The following ARID1A variants were observed in gnomAD, a reference collection of about 807,000 sequenced individuals.
The protein encoded by ARID1A is AT-rich interactive domain-containing protein 1A.
In ARID1A, 20 loss-of-function variants were observed where a neutral mutation model predicts 212.6. The observed-to-expected ratio is 0.09, with a 90% confidence interval of 0.07 to 0.14. ARID1A has a LOEUF of 0.14. Among genes scored for constraint, ARID1A ranks in the 10% least tolerant of loss-of-function variants. The pLI is 1.00. For synonymous variants in ARID1A, 1,376 were observed against 1,222.1 expected (o/e 1.13, Z -2.63); for missense variants, 2,587 against 3,059.0 (o/e 0.85, Z 3.64).
chr1:26,755,522 G>A (rs1368886158), intron 4 of ARID1A, among the ~76,000 whole-genome samples: 1 of 152,180 alleles, frequency 6.6e-6, no homozygotes, highest in Non-Finnish European at 1.5e-5. Context: ...CCTGAAGAAG[G>A]GGAAGCCACC....
intron 11 of ARID1A, 22 bp downstream of exon 11, chr1:26,768,021 G>A (rs1557612186): frequency 6.2e-7 from 1 of 1,610,722 alleles, no homozygotes; most frequent in Non-Finnish European, 8.5e-7. Context: ...CCTGACACTT[G>A]ACTGCCCCTG....
rs2080691875 is a variant in ARID1A, at chr1:26,732,689, A to T, written c.1817A>T (p.Asp606Val). 1 of 1,613,578 alleles carries T rather than the reference A, an allele frequency of 6.2e-7. No homozygotes were observed. Among genetic ancestry groups the T allele is most frequent in the South Asian group, 1.1e-5 (1 of 91,050 alleles). ...RFPPPQELSQ[D>V]SFGSQASSAP... ...TTCTTGTTGTAGGAGCTATCTCAAG[A>T]TTCATTTGGGTCTCAGGCATCCTCA... is the stretch of plus-strand genomic sequence containing the variant. Residue 606 changes from aspartate (D) to valine (V), a missense_variant, in exon 4 of 20, where the codon GAT becomes GTT. This residue lies in a region of ARID1A where 674 missense variants were observed against 813.4 expected (regional missense o/e 0.83). Coordinates refer to ENST00000324856, the MANE Select transcript of ARID1A (RefSeq NM_006015.6).
At chr1:26,740,843 A>T (rs985295606) in intron 4 of ARID1A, among the ~76,000 whole-genome samples, 3 of 152,234 alleles carry the variant, frequency 2.0e-5, no homozygotes, top group African/African-American at 7.2e-5. Flanking sequence ...CATGTGGAAC[A>T]TGCAGGAAAG....
chr1:26,699,435 A>G, intron 1 of ARID1A, among the ~76,000 whole-genome samples: 1 of 152,070 alleles, frequency 6.6e-6, no homozygotes, highest in East Asian at 1.9e-4. Flanking sequence ...CTAGGAGGAA[A>G]TTTTGTTCAC....
In ARID1A at chr1:26,775,024, C is replaced by T. The variant is rs923351807; in HGVS notation, c.4797C>T (p.Thr1599=). ...TGCCCCGGCCAATGGAGAACCGCAC[C>T]TCTCCTAGCAAGTCTCCATTCCTGC... The part of the protein sequence containing the change: ...APLPRPMENR[T]SPSKSPFLHS... Residue 1599 remains threonine, a synonymous_variant, in exon 18 of 20, where the codon ACC becomes ACT. Coordinates refer to ENST00000324856, the MANE Select transcript of ARID1A (RefSeq NM_006015.6). 6.2e-7 allele frequency: 1 copy of T among 1,602,852 alleles called. No individual in the cohort carries two copies.
At chr1:26,755,585 TAC>T (rs2080921496) in intron 4 of ARID1A, among the ~76,000 whole-genome samples, 1 of 152,142 alleles carries the variant, frequency 6.6e-6, no homozygotes, top group East Asian at 1.9e-4. Flanking sequence ...CCCCAAGAGC[TAC>T]AGAGGTTTTC....
chr1:26,751,637 C>A (rs1043717000), intron 4 of ARID1A, among the ~76,000 whole-genome samples: 1 of 152,054 alleles, frequency 6.6e-6, no homozygotes, highest in Non-Finnish European at 1.5e-5. Flanking sequence ...CAACCACTCA[C>A]CTTAGGGTTG....
chr1:26,725,037 G>T (rs975975897), intron 1 of ARID1A, among the ~76,000 whole-genome samples: 1 of 151,844 alleles, frequency 6.6e-6, no homozygotes, highest in Non-Finnish European at 1.5e-5. Context: ...CAGGGGGCCC[G>T]ACTTTGCTGA....
At position 26,731,340 on chromosome 1, in the gene ARID1A, C is replaced by T. The variant is rs2124788825; in HGVS notation, c.1539C>T (p.Ser513=). The T allele has an allele frequency of 6.2e-7, 1 of 1,613,880 alleles. No individual in the cohort carries two copies. Among genetic ancestry groups the T allele is most frequent in the Non-Finnish European group, 8.5e-7 (1 of 1,179,976 alleles). Residue 513 remains serine, a synonymous_variant, in exon 3 of 20, where the codon TCC becomes TCT. Coordinates refer to ENST00000324856, the MANE Select transcript of ARID1A (RefSeq NM_006015.6). ...QPQSQPPQLQ[S]SQPPYSQQPS... Reference sequence around the variant, plus strand: ...AGTCTCAACCACCACAGCTCCAGTCCTCTCAGCCTCCATACTCCCAGCAGC... The same window carrying T: ...AGTCTCAACCACCACAGCTCCAGTCTTCTCAGCCTCCATACTCCCAGCAGC...
intron 4 of ARID1A, among the ~76,000 whole-genome samples, chr1:26,755,464 A>G (rs535964917): frequency 1.1e-4 from 16 of 152,276 alleles, no homozygotes; most frequent in South Asian, 1.0e-3. Flanking sequence ...TTTATTTAGC[A>G]CTTTTTCTCC....
At chr1:26,721,880 GGTT>G (rs1208176779) in intron 1 of ARID1A, among the ~76,000 whole-genome samples, 1 of 152,078 alleles carries the variant, frequency 6.6e-6, no homozygotes, top group Non-Finnish European at 1.5e-5. Context: ...TGGTTATTAT[GGTT>G]GTTTCTCATA....
intron 1 of ARID1A, among the ~76,000 whole-genome samples, chr1:26,707,052 G>C (rs540236559): frequency 6.6e-6 from 1 of 151,034 alleles, no homozygotes; most frequent in Non-Finnish European, 1.5e-5. Flanking sequence ...TTTTTTAGAC[G>C]GAGTCTTGCT....
At position 26,696,649 on chromosome 1, in the gene ARID1A, TGGCGGCGGCGGCGGAGCCGGC is replaced by T; in HGVS notation, c.247_267del (p.Gly83_Gly89del). On this transcript the variant is annotated inframe_deletion, in exon 1 of 20. Transcript: ENST00000324856. The stretch of plus-strand genomic sequence containing the variant: ...AGGACGGGGCCGAGAGCAATGGGGG[TGGCGGCGGCGGCGGAGCCGGC>T]AGCGGCGGCGGGCCCGGCGCGGAGC... 7.7e-7 allele frequency: 1 copy of T among 1,303,514 alleles called. No individual in the cohort carries two copies. Among genetic ancestry groups the T allele is most frequent in the Non-Finnish European group, 9.7e-7 (1 of 1,031,368 alleles). 80.7% of individuals were successfully genotyped at this position (1,303,514 alleles called of 1,614,324 possible).
At chr1:26,747,068 A>C (rs1230968617) in intron 4 of ARID1A, among the ~76,000 whole-genome samples, 1 of 152,128 alleles carries the variant, frequency 6.6e-6, no homozygotes, top group Non-Finnish European at 1.5e-5. Context: ...AAACAAAAAA[A>C]ACAACACCAT....
In ARID1A at chr1:26,780,778, C is replaced by T. The variant is rs778187938; in HGVS notation, c.*22C>T. 4.5e-6 allele frequency: 7 copies of T among 1,544,182 alleles called. No homozygotes were observed. The highest frequency in any genetic ancestry group is 1.7e-4 in the Middle Eastern group (1 of 5,808). On this transcript the variant is annotated 3_prime_UTR_variant, in exon 20 of 20. Coordinates refer to ENST00000324856, the MANE Select transcript of ARID1A (RefSeq NM_006015.6). The surrounding 1 kb of genome is among the most constrained non-coding windows in gnomAD (Gnocchi z 7.2). ...ATGACAGCCGTGGGACACCTCCCCC[C>T]CCCGTGTGTGTGTGCGTGTGTGGAG...
chr1:26,715,853 A>G lies in ARID1A; in HGVS notation c.1138-13798A>G, dbSNP rs541965871. Among the ~76,000 whole-genome samples the G allele has an allele frequency of 3.3e-5, 5 of 152,086 alleles. 1 individual carries two copies. In the South Asian group the frequency reaches 6.2e-4, roughly 19 times the overall value. On this transcript the variant is annotated intron_variant, in intron 1 of 19. Coordinates refer to ENST00000324856, the MANE Select transcript of ARID1A (RefSeq NM_006015.6). ...GGAGACCCGTCTTAAAAAAAAAAACATAAAATAGTTGGGCCTTGCCAATGT... is the reference window on the plus strand; with the variant it reads ...GGAGACCCGTCTTAAAAAAAAAAACGTAAAATAGTTGGGCCTTGCCAATGT...
intron 11 of ARID1A, chr1:26,769,400 G>A (rs777723487): frequency 5.3e-5 from 8 of 152,208 alleles, no homozygotes; most frequent in Admixed American, 1.3e-4. Flanking sequence ...GTTTGTGAAG[G>A]CTCCAAGAAA....
Position 26,775,621 on chromosome 1 carries a change from C to A in ARID1A, c.5038C>A (p.Leu1680Ile), listed in dbSNP as rs2124126567. 1 of 1,614,138 alleles carries A rather than the reference C, an allele frequency of 6.2e-7. No individual in the cohort carries two copies. ...GGTAATGATGTCCCTCAAGTCTGGTCTCCTGGCAGAGAGCACATGGGCATT... is the reference window on the plus strand; with the variant it reads ...GGTAATGATGTCCCTCAAGTCTGGTATCCTGGCAGAGAGCACATGGGCATT... ...WRVMMSLKSG[L>I]LAESTWALDT... Residue 1680 changes from leucine (L) to isoleucine (I), a missense_variant, in exon 19 of 20, where the codon CTC (leucine) becomes ATC (isoleucine). Coordinates refer to ENST00000324856, the MANE Select transcript of ARID1A (RefSeq NM_006015.6).
chr1:26,780,246 A>T lies in ARID1A; in HGVS notation c.6348A>T (p.Arg2116Ser), dbSNP rs2124148163. Reference protein sequence around the residue: ...LGPNAVLSPQRLVLETLSKLS... With the variant: ...LGPNAVLSPQSLVLETLSKLS... ...CCAATGCCGTCCTTTCCCCGCAGAG[A>T]CTGGTCTTGGAAACCCTCAGCAAAC... is the stretch of plus-strand genomic sequence containing the variant. Residue 2116 changes from arginine (R) to serine (S), a missense_variant, in exon 20 of 20, where the codon AGA becomes AGT. By Grantham distance (110) the Arg-to-Ser change is moderately radical. Around this residue, in one of 11 missense-constraint regions of ARID1A, gnomAD observed 168 missense variants for 321.0 expected, o/e 0.52. Coordinates refer to ENST00000324856, the MANE Select transcript of ARID1A (RefSeq NM_006015.6). The surrounding 1 kb of genome is among the most constrained non-coding windows in gnomAD (Gnocchi z 7.2). The T allele has an allele frequency of 1.9e-6, 3 of 1,614,068 alleles. No individual in the cohort carries two copies. The highest frequency in any genetic ancestry group is 1.7e-6 in the Non-Finnish European group (2 of 1,180,000).
Sources: gnomAD v4.1 joint callset for allele counts (sites outside exome capture counted in the v4.1 genomes callset) on GRCh38, gnomAD v4.1.1 for gene constraint, gnomAD v4.1.1 regional missense constraint, Gnocchi (gnomAD v3.1) non-coding constraint, MANE v1.5 for transcripts, NCBI Gene and HGNC (gene_info 2026-07-23, HGNC 2026-07-21) for gene names.